The following MEI4 variants were observed in gnomAD, a reference collection of about 807,000 sequenced individuals.
MEI4 encodes the protein meiotic double-stranded break formation protein 4.
A neutral mutation model predicts 31.4 loss-of-function variants in MEI4; 27 were observed. The observed-to-expected ratio is 0.86, with a 90% CI of 0.63 to 1.19. The LOEUF is 1.19. MEI4 is among the 50% of genes most tolerant of loss of function. MEI4 has a pLI of 0.00. For synonymous variants in MEI4, 122 were observed against 145.4 expected (o/e 0.84, Z 1.16); for missense variants, 329 against 398.9 (o/e 0.82, Z 1.49).
chr6:77,924,890 G>GTAAT lies in MEI4; in HGVS notation c.*1547_*1550dup, dbSNP rs1766809120. On this transcript the variant is annotated 3_prime_UTR_variant, in exon 5 of 5. Coordinates refer to ENST00000684080, the MANE Select transcript of MEI4 (RefSeq NM_001322247.2). ...GGGCAATGAGCATGGATGTAGGTAG[G>GTAAT]TAATTATTAGGGCCAATAATTTACT... 1 of 151,828 alleles carries GTAAT rather than the reference G, an allele frequency of 6.6e-6. No individual in the cohort carries two copies. The highest frequency in any genetic ancestry group is 1.5e-5 in the Non-Finnish European group (1 of 67,888). The allele number at this position is 151,828 out of a possible 1,614,324, so 9.4% of individuals were successfully genotyped here.
chr6:77,745,796 A>G (rs1035393005), intron 2 of MEI4, among the ~76,000 whole-genome samples: 9 of 152,234 alleles, frequency 5.9e-5, no homozygotes, highest in African/African-American at 2.2e-4. Flanking sequence ...CAATCAAACT[A>G]GAACTCAGGC....
At chr6:77,687,987 T>C (rs1365437535) in intron 1 of MEI4, among the ~76,000 whole-genome samples, 1 of 152,106 alleles carries the variant, frequency 6.6e-6, no homozygotes, top group Admixed American at 6.6e-5. Flanking sequence ...GGTTTGGTCT[T>C]TCTGGCAACT....
chr6:77,795,710 A>G (rs1435204625), intron 3 of MEI4, among the ~76,000 whole-genome samples: 1 of 151,912 alleles, frequency 6.6e-6, no homozygotes, highest in African/African-American at 2.4e-5. Context: ...CCAAGACTGA[A>G]TCCTGAAGAA....
chr6:77,870,767 G>A (rs192561161), intron 4 of MEI4, among the ~76,000 whole-genome samples: 10 of 152,210 alleles, frequency 6.6e-5, no homozygotes, highest in East Asian at 1.9e-4. Context: ...TTTTTACAGC[G>A]AAGAAATGAA....
intron 3 of MEI4, among the ~76,000 whole-genome samples, chr6:77,802,678 C>T (rs1167403092): frequency 6.6e-6 from 1 of 152,066 alleles, no homozygotes; most frequent in South Asian, 2.1e-4. Context: ...GGTGACAAAA[C>T]TCTCTCAGCA....
chr6:77,783,446 CTG>C (rs1465206029), intron 3 of MEI4, among the ~76,000 whole-genome samples: 1 of 152,274 alleles, frequency 6.6e-6, no homozygotes, highest in East Asian at 1.9e-4. Flanking sequence ...CTCTACATGA[CTG>C]TAATAACTTC....
chr6:77,736,134 G>C (rs904479099), intron 2 of MEI4, among the ~76,000 whole-genome samples: 3 of 152,096 alleles, frequency 2.0e-5, no homozygotes, highest in Non-Finnish European at 4.4e-5. Flanking sequence ...AGGCAGGCAG[G>C]CCTCCTTTGA....
chr6:77,808,190 A>G (rs1211334430), intron 3 of MEI4, among the ~76,000 whole-genome samples: 28 of 152,204 alleles, frequency 1.8e-4, no homozygotes, highest in Admixed American at 1.8e-3. Flanking sequence ...AATATTCACT[A>G]ATATAAGTAT....
At chr6:77,806,682 TG>T (rs1769449368) in intron 3 of MEI4, among the ~76,000 whole-genome samples, 2 of 152,142 alleles carry the variant, frequency 1.3e-5, no homozygotes, top group Non-Finnish European at 2.9e-5. Flanking sequence ...ATGGGTGCTT[TG>T]AGGTCATATT....
chr6:77,853,984 C>A (rs1770692443), intron 4 of MEI4, among the ~76,000 whole-genome samples: 1 of 152,104 alleles, frequency 6.6e-6, no homozygotes, highest in African/African-American at 2.4e-5. Context: ...GAGTATGATA[C>A]TTGTAAATGT....
chr6:77,920,355 C>T (rs1766674815), intron 4 of MEI4, among the ~76,000 whole-genome samples: 1 of 151,984 alleles, frequency 6.6e-6, no homozygotes, highest in African/African-American at 2.4e-5. Context: ...ATACGCAAAT[C>T]AATAAATGTA....
intron 3 of MEI4, among the ~76,000 whole-genome samples, chr6:77,813,551 A>C (rs754690301): frequency 3.3e-5 from 5 of 150,254 alleles, no homozygotes; most frequent in Non-Finnish European, 7.4e-5. Flanking sequence ...GGTACATGTG[A>C]GAACACTACT....
At chr6:77,801,400 A>G (rs1769253561) in intron 3 of MEI4, among the ~76,000 whole-genome samples, 1 of 152,084 alleles carries the variant, frequency 6.6e-6, no homozygotes, top group South Asian at 2.1e-4. Context: ...TAGTCTTGCT[A>G]GCAGTCTGTC....
At chr6:77,687,118 C>T (rs766047556) in intron 1 of MEI4, among the ~76,000 whole-genome samples, 1 of 151,812 alleles carries the variant, frequency 6.6e-6, no homozygotes, top group Non-Finnish European at 1.5e-5. Flanking sequence ...TGTAATATGA[C>T]TACATTTTTT....
intron 3 of MEI4, among the ~76,000 whole-genome samples, chr6:77,775,839 C>T (rs995199370): frequency 1.3e-5 from 2 of 152,140 alleles, no homozygotes; most frequent in South Asian, 2.1e-4. Flanking sequence ...TCTCTTTTAA[C>T]TGCATCCATG....
At chr6:77,808,959 G>A (rs995766681) in intron 3 of MEI4, among the ~76,000 whole-genome samples, 12 of 152,274 alleles carry the variant, frequency 7.9e-5, no homozygotes, top group Middle Eastern at 6.8e-3. Flanking sequence ...TTTGGGTGAC[G>A]TGGCTCTCTG....
chr6:77,697,959 G>C (rs1766097874), intron 2 of MEI4, among the ~76,000 whole-genome samples: 1 of 152,132 alleles, frequency 6.6e-6, no homozygotes, highest in African/African-American at 2.4e-5. Flanking sequence ...CCTGTATTGG[G>C]TTCATATATA....
intron 4 of MEI4, among the ~76,000 whole-genome samples, chr6:77,912,618 G>A (rs1398886809): frequency 6.6e-6 from 1 of 151,892 alleles, no homozygotes; most frequent in African/African-American, 2.4e-5. Context: ...CAATAAGTTG[G>A]TTATTAGTGT....
chr6:77,661,435 T>C (rs557725373), intron 1 of MEI4, among the ~76,000 whole-genome samples: 32 of 152,250 alleles, frequency 2.1e-4, no homozygotes, highest in Middle Eastern at 3.4e-3. Flanking sequence ...CCTCTACCCA[T>C]CCAGTGAAAG....
Sources: allele counts gnomAD v4.1 joint callset (sites outside exome capture counted in the v4.1 genomes callset), GRCh38; gene constraint gnomAD v4.1.1; transcripts MANE v1.5; gene names NCBI Gene and HGNC (gene_info 2026-07-23, HGNC 2026-07-21).